The following SDK2 variants were observed in gnomAD, a reference collection of about 807,000 sequenced individuals.
SDK2 encodes protein sidekick-2.
SDK2 carries 105 observed loss-of-function variants against 253.9 expected under a neutral mutation model. The observed-to-expected ratio is 0.41, with a 90% confidence interval of 0.35 to 0.49. The LOEUF (loss-of-function observed/expected upper bound fraction) is 0.49. Among genes scored for constraint, SDK2 ranks in the 20% least tolerant of loss-of-function variants. The pLI is 0.06. For missense variants in SDK2, 2,608 were observed against 3,003.0 expected, an observed-to-expected ratio of 0.87 and a Z score of 3.07; for synonymous variants, 1,249 against 1,234.9, an observed-to-expected ratio of 1.01 and a Z score of -0.24.
At chr17:73,416,581 C>T (rs1288625359) in intron 16 of SDK2, among the ~76,000 whole-genome samples, 3 of 151,826 alleles carry the variant, frequency 2.0e-5, no homozygotes, top group Non-Finnish European at 2.9e-5. Flanking sequence ...GGCGTACACA[C>T]AGAACTATTA....
rs1567888488 is a variant in SDK2, at chr17:73,639,724, G to C, written c.64+4301C>G. On this transcript the variant is annotated intron_variant, in intron 1 of 44. Transcript: ENST00000392650. This position sits in a 1 kb window ranked among gnomAD's most constrained non-coding sequence, Gnocchi z 4.3. ...GGGGCTGGGAGTCCGTAGGGACAGGGAGAGGGTTCCAGCCAATCAGAGGAC... is the reference window on the plus strand; with the variant it reads ...GGGGCTGGGAGTCCGTAGGGACAGGCAGAGGGTTCCAGCCAATCAGAGGAC... 6.6e-6 allele frequency among the ~76,000 whole-genome samples: 1 copy of C among 152,138 alleles called. No homozygotes were observed. The highest frequency in any genetic ancestry group is 2.4e-5 in the African/African-American group (1 of 41,424).
intron 1 of SDK2, among the ~76,000 whole-genome samples, chr17:73,608,929 T>C (rs2045940868): frequency 6.6e-6 from 1 of 152,130 alleles, no homozygotes; most frequent in African/African-American, 2.4e-5. Flanking sequence ...CGGAGAAGGA[T>C]GATGAGAAGC....
At chr17:73,428,780 A>G (rs1052443056) in intron 12 of SDK2, among the ~76,000 whole-genome samples, 9 of 152,286 alleles carry the variant, frequency 5.9e-5, no homozygotes, top group East Asian at 1.9e-4. Context: ...AGTCCAAGGA[A>G]GACAGACTGG....
chr17:73,561,237 G>A (rs1206431608), intron 1 of SDK2, among the ~76,000 whole-genome samples: 1 of 152,174 alleles, frequency 6.6e-6, no homozygotes, highest in African/African-American at 2.4e-5. Flanking sequence ...ACAATTACGG[G>A]GTTGGTAGGG....
At chr17:73,463,719 T>A (rs1430495768) in intron 3 of SDK2, among the ~76,000 whole-genome samples, 1 of 152,200 alleles carries the variant, frequency 6.6e-6, no homozygotes, top group Non-Finnish European at 1.5e-5. Flanking sequence ...TGTGCAACAT[T>A]TTTTTGGGGG....
In SDK2 at chr17:73,338,938, T is replaced by C. The variant is rs377260309; in HGVS notation, c.6168A>G (p.Gly2056=). 3.7e-6 allele frequency: 6 copies of C among 1,613,568 alleles called. No individual in the cohort carries two copies. In the African/African-American group the frequency reaches 8.0e-5, roughly 22 times the overall value. ...EKPSEISDSQ[G]SDSEYEVDSN... ...AGTCGACCTCGTACTCGCTGTCACT[T>C]CCCTGGGAGGACAGAGAATCAGGGT... Residue 2056 remains glycine, a splice_region_variant and synonymous_variant, in exon 45 of 45, where the codon GGA becomes GGG. Transcript: ENST00000392650. This position sits in a 1 kb window ranked among gnomAD's most constrained non-coding sequence, Gnocchi z 5.0.
chr17:73,339,215 T>C (rs1424696167), intron 44 of SDK2, among the ~76,000 whole-genome samples: 3 of 36,816 alleles, frequency 8.1e-5, no homozygotes, highest in African/African-American at 1.7e-4. Context: ...AGACCTGAGT[T>C]TTTTTTTGTT....
intron 15 of SDK2, among the ~76,000 whole-genome samples, chr17:73,421,684 C>T (rs2063232293): frequency 7.5e-6 from 1 of 133,262 alleles, no homozygotes; most frequent in Non-Finnish European, 1.6e-5. Flanking sequence ...GCCTCAGCCT[C>T]CCGAGTAGCT....
intron 1 of SDK2, among the ~76,000 whole-genome samples, chr17:73,578,387 G>A (rs898444300): frequency 6.6e-6 from 1 of 152,088 alleles, no homozygotes; most frequent in Non-Finnish European, 1.5e-5. Flanking sequence ...TTTTAGCCCA[G>A]TGAGGCTCAT....
Position 73,507,533 on chromosome 17 carries a change from G to T in SDK2, c.129C>A (p.Arg43=). ...VRTQVHLEGN[R]LVLTCMAEGS... ...CCTCGGCCATGCATGTAAGCACCAG[G>T]CGGTTTCCTTCCAAGTGCACCTGTG... The change falls in exon 2 of 45, where the codon CGC becomes CGA. Residue 43 remains arginine (R), a synonymous_variant. Coordinates refer to ENST00000392650, the MANE Select transcript of SDK2 (RefSeq NM_001144952.2). 6.4e-7 allele frequency: 1 copy of T among 1,551,690 alleles called. No individual in the cohort carries two copies. Among genetic ancestry groups the T allele is most frequent in the Non-Finnish European group, 8.7e-7 (1 of 1,146,988 alleles).
At position 73,438,631 on chromosome 17, in the gene SDK2, A is replaced by AAGACAGACAGACAGACAGAC. The variant is rs34644814; in HGVS notation, c.726-497_726-478dup. Among the ~76,000 whole-genome samples the AAGACAGACAGACAGACAGAC allele has an allele frequency of 5.1e-3, 749 of 146,648 alleles. 12 individuals are homozygous for AAGACAGACAGACAGACAGAC. The highest frequency in any genetic ancestry group is 0.019 in the African/African-American group (711 of 37,012). Reference sequence around the variant, plus strand: ...TTGAAAAGGGGAAATAAGGGCAGACAAGACAGACAGACAGACAGACAGACA... The same window carrying AAGACAGACAGACAGACAGAC: ...TTGAAAAGGGGAAATAAGGGCAGACAAGACAGACAGACAGACAGACAGACAGACAGACAGACAGACAGACA... On this transcript the variant is annotated intron_variant, in intron 6 of 44. Coordinates refer to ENST00000392650, the MANE Select transcript of SDK2 (RefSeq NM_001144952.2).
chr17:73,379,164 G>A lies in SDK2; in HGVS notation c.4980+13C>T, dbSNP rs1186956136. ...ATCCGTGCACCCCTTTGCTCTGCCC[G>A]AGGGCACCCTACCTTGTACCCCTGG... On this transcript the variant is annotated intron_variant, in intron 36 of 44. Coordinates refer to ENST00000392650, the MANE Select transcript of SDK2 (RefSeq NM_001144952.2). This position sits in a 1 kb window ranked among gnomAD's most constrained non-coding sequence, Gnocchi z 4.5. 6.5e-6 allele frequency: 10 copies of A among 1,545,930 alleles called. No individual in the cohort carries two copies. The highest frequency in any genetic ancestry group is 1.7e-4 in the Middle Eastern group (1 of 6,004).
At chr17:73,530,709 C>G (rs2145802539) in intron 1 of SDK2, among the ~76,000 whole-genome samples, 1 of 152,296 alleles carries the variant, frequency 6.6e-6, no homozygotes, top group East Asian at 1.9e-4. Context: ...CTCAATTACC[C>G]CTGGCATTCT....
At chr17:73,438,402 G>T (rs1381244733) in intron 6 of SDK2, among the ~76,000 whole-genome samples, 1 of 152,228 alleles carries the variant, frequency 6.6e-6, no homozygotes, top group African/African-American at 2.4e-5. Flanking sequence ...ATGCATTAGT[G>T]CCAGTGAAGT....
chr17:73,605,936 A>G (rs1186638675), intron 1 of SDK2, among the ~76,000 whole-genome samples: 2 of 151,972 alleles, frequency 1.3e-5, no homozygotes, highest in African/African-American at 4.8e-5. Context: ...GCCCAGCAAG[A>G]CCACAGCAAA....
At chr17:73,546,236 T>C (rs1353034650) in intron 1 of SDK2, among the ~76,000 whole-genome samples, 1 of 152,172 alleles carries the variant, frequency 6.6e-6, no homozygotes, top group African/African-American at 2.4e-5. Context: ...CCCTCTCTCC[T>C]GTGCAGGCGG....
chr17:73,422,744 G>T (rs1342613193), intron 14 of SDK2, among the ~76,000 whole-genome samples: 3 of 152,144 alleles, frequency 2.0e-5, no homozygotes, highest in Non-Finnish European at 4.4e-5. Flanking sequence ...CATTCAGGCT[G>T]GGTGTGGTGG....
At chr17:73,479,308 G>A (rs528984445) in intron 2 of SDK2, among the ~76,000 whole-genome samples, 10 of 152,346 alleles carry the variant, frequency 6.6e-5, no homozygotes, top group African/African-American at 2.2e-4. Context: ...CAGCAGGCAG[G>A]AGAAGCAGCA....
chr17:73,469,617 T>C (rs565126038), intron 3 of SDK2, among the ~76,000 whole-genome samples: 1 of 152,164 alleles, frequency 6.6e-6, no homozygotes, highest in Non-Finnish European at 1.5e-5. Context: ...TAGAAGGACC[T>C]GTGGGTCCAG....
Sources: allele counts gnomAD v4.1 joint callset (sites outside exome capture counted in the v4.1 genomes callset), GRCh38; gene constraint gnomAD v4.1.1; non-coding constraint Gnocchi (gnomAD v3.1); transcripts MANE v1.5; gene names NCBI Gene and HGNC (gene_info 2026-07-23, HGNC 2026-07-21).